The following NCOR1 variants were observed in gnomAD, a reference collection of about 807,000 sequenced individuals.
The protein encoded by NCOR1 is protein phosphatase 1, regulatory subunit 109.
Under a neutral mutation model 288.1 loss-of-function variants are expected in NCOR1, and 63 were observed. The observed-to-expected ratio is 0.22, with a 90% CI of 0.18 to 0.27. NCOR1 has a LOEUF of 0.27. Among genes scored for constraint, NCOR1 ranks in the 10% least tolerant of loss-of-function variants. The pLI, the probability that NCOR1 is intolerant of heterozygous loss-of-function variation, is 1.00. For synonymous variants in NCOR1, 1,007 were observed against 1,065.9 expected (o/e 0.94, Z 1.08); for missense variants, 2,397 against 3,019.2 (o/e 0.79, Z 4.83).
intron 1 of NCOR1, among the ~76,000 whole-genome samples, chr17:16,203,007 C>G (rs150681594): frequency 4.6e-5 from 7 of 151,780 alleles, no homozygotes; most frequent in African/African-American, 1.7e-4. Flanking sequence ...CTCAGTAACA[C>G]CCACTCCAAC....
intron 45 of NCOR1, 136 bp from the exon 46 acceptor site, chr17:16,032,619 C>T: frequency 1.3e-6 from 1 of 755,184 alleles, no homozygotes; most frequent in Non-Finnish European, 2.0e-6. Flanking sequence ...ATGAATACAA[C>T]ACGGAATGGC....
In NCOR1 at chr17:16,040,493, T is replaced by C. The variant is rs2057355370; in HGVS notation, c.6681A>G (p.Ala2227=). The C allele has an allele frequency of 1.9e-6, 3 of 1,613,340 alleles. No homozygotes were observed. The highest frequency in any genetic ancestry group is 2.5e-6 in the Non-Finnish European group (3 of 1,179,662). ...NSSGGGDSDM[A]AAQPGTEIFN... ...AGATCTCAGTTCCTGGCTGAGCAGC[T>C]GCTATATTTAAGCAAACATTCAAGT... The change falls in exon 43 of 46, where the codon GCA becomes GCG. Residue 2227 remains alanine, a splice_region_variant and synonymous_variant. Coordinates refer to ENST00000268712, the MANE Select transcript of NCOR1 (RefSeq NM_006311.4).
chr17:16,086,431 C>G lies in NCOR1; in HGVS notation c.3028G>C (p.Ala1010Pro). The G allele has an allele frequency of 6.2e-7, 1 of 1,613,404 alleles. No homozygotes were observed. Among genetic ancestry groups the G allele is most frequent in the African/African-American group, 1.3e-5 (1 of 75,022 alleles). ...AGATTAGTTATCACTTGATGTGGAG[C>G]AGGCTGAAGGACTTTTAAAAGGAAA... Reference protein sequence around the residue: ...PNREWEVLQPAPHQVITNLPE... With the variant: ...PNREWEVLQPPPHQVITNLPE... Residue 1010 changes from alanine (A) to proline (P), a missense_variant, in exon 23 of 46, where the codon GCT becomes CCT. Physicochemically the swap from Ala to Pro is conservative, Grantham distance 27 (BLOSUM62 -1). Coordinates refer to ENST00000268712, the MANE Select transcript of NCOR1 (RefSeq NM_006311.4).
chr17:16,211,605 G>A (rs1259670904), intron 1 of NCOR1, among the ~76,000 whole-genome samples: 1 of 152,150 alleles, frequency 6.6e-6, no homozygotes, highest in East Asian at 1.9e-4. Context: ...CAGGACATAC[G>A]GAAGAAGCAA....
chr17:16,132,610 A>T (rs2075810229), intron 14 of NCOR1, among the ~76,000 whole-genome samples: 1 of 152,184 alleles, frequency 6.6e-6, no homozygotes, highest in Middle Eastern at 3.2e-3. Flanking sequence ...GAAGAGTTAA[A>T]ATTCCTGCCA....
In NCOR1 at chr17:16,092,023, G is replaced by A; in HGVS notation, c.2856C>T (p.Thr952=). Residue 952 remains threonine (T), a synonymous_variant, in exon 22 of 46, where the codon ACC becomes ACT. Transcript: ENST00000268712. ...SCTPCNIPIG[T]PVSGYALYQR... ...GGTAGAGAGCATAGCCGCTCACTGG[G>A]GTTCCAATTGGTATGTTACATGGGG... The A allele has an allele frequency of 6.2e-7, 1 of 1,614,054 alleles. No homozygotes were observed. The highest frequency in any genetic ancestry group is 8.5e-7 in the Non-Finnish European group (1 of 1,180,034).
intron 44 of NCOR1, 58 bp from the exon 45 acceptor site, chr17:16,035,002 A>G: frequency 6.6e-7 from 1 of 1,512,634 alleles, no homozygotes; most frequent in South Asian, 1.2e-5. Context: ...AATTACCAAA[A>G]TGCTAATGAT....
chr17:16,201,566 C>A (rs2090814813), intron 1 of NCOR1, among the ~76,000 whole-genome samples: 1 of 151,928 alleles, frequency 6.6e-6, no homozygotes, highest in Non-Finnish European at 1.5e-5. Context: ...CCACTGCACT[C>A]CAGCCTGAGC....
At chr17:16,141,919 C>G (rs771540619) in intron 11 of NCOR1, among the ~76,000 whole-genome samples, 1 of 152,202 alleles carries the variant, frequency 6.6e-6, no homozygotes, top group Non-Finnish European at 1.5e-5. Flanking sequence ...ATTTAACCTG[C>G]AGCTGGGCTT....
rs1172783076 is a variant in NCOR1 at position 16,031,017 on chromosome 17, A to G, written c.*1279T>C. 1 of 196,022 alleles carries G rather than the reference A, an allele frequency of 5.1e-6. No homozygotes were observed. The highest frequency in any genetic ancestry group is 2.3e-5 in the African/African-American group (1 of 43,316). The allele number at this position is 196,022 out of a possible 1,614,324, so 12.1% of individuals were successfully genotyped here. A position where few individuals can be genotyped will look rare whatever the true frequency, so the allele number is the denominator to read the frequency against. On this transcript the variant is annotated 3_prime_UTR_variant, in exon 46 of 46. Coordinates refer to ENST00000268712, the MANE Select transcript of NCOR1 (RefSeq NM_006311.4). ...TGTTATAGAAAGATACTTAAATGCT[A>G]TGATAAATTGTATGAAAAAAACTTT...
chr17:16,146,961 T>C (rs532739303), intron 9 of NCOR1, among the ~76,000 whole-genome samples: 13 of 152,236 alleles, frequency 8.5e-5, no homozygotes, highest in Non-Finnish European at 1.6e-4. Flanking sequence ...TTTGTTGTTA[T>C]CCTTCCAATC....
chr17:16,133,454 AC>A (rs1399909370), intron 14 of NCOR1, among the ~76,000 whole-genome samples: 20 of 152,320 alleles, frequency 1.3e-4, no homozygotes, highest in African/African-American at 4.8e-4. Context: ...AACCCTCCTG[AC>A]TAGAGCTTGG....
chr17:16,200,737 ATATTAGT>A (rs530396187), intron 1 of NCOR1, among the ~76,000 whole-genome samples: 115 of 152,292 alleles, frequency 7.6e-4, no homozygotes, highest in African/African-American at 2.5e-3. Context: ...AAATGCTAAA[ATATTAGT>A]TATTAAACTG....
At position 16,064,907 on chromosome 17, in the gene NCOR1, G is replaced by A. The variant is rs1273034640; in HGVS notation, c.5064C>T (p.Phe1688=). The A allele has an allele frequency of 6.2e-7, 1 of 1,613,446 alleles. No homozygotes were observed. Among genetic ancestry groups the A allele is most frequent in the African/African-American group, 1.3e-5 (1 of 74,902 alleles). ...ITYIPGTQIT[F]PPRPYNSASM... Reference sequence around the variant, plus strand: ...AAGCAGAGTTGTACGGCCTGGGAGGGAAAGTAATCTGTGTACCAGGAATAT... The same window carrying A: ...AAGCAGAGTTGTACGGCCTGGGAGGAAAAGTAATCTGTGTACCAGGAATAT... The change falls in exon 34 of 46, where the codon TTC becomes TTT. Residue 1688 remains phenylalanine, a synonymous_variant. Coordinates refer to ENST00000268712, the MANE Select transcript of NCOR1 (RefSeq NM_006311.4).
intron 2 of NCOR1, among the ~76,000 whole-genome samples, chr17:16,188,233 T>C (rs2153533239): frequency 6.6e-6 from 1 of 152,310 alleles, no homozygotes; most frequent in Middle Eastern, 3.4e-3. Flanking sequence ...TTGAGAGCCC[T>C]TCTCTATAAG....
chr17:16,045,969 G>A (rs555355735), intron 42 of NCOR1, among the ~76,000 whole-genome samples: 5 of 152,068 alleles, frequency 3.3e-5, no homozygotes, highest in South Asian at 2.1e-4. Flanking sequence ...GTATACCACC[G>A]CACCCAGCTA....
At chr17:16,151,809 A>G (rs546237116) in intron 8 of NCOR1, 137 bp downstream of exon 8, 1 of 933,216 alleles carries the variant, frequency 1.1e-6, no homozygotes, top group Non-Finnish European at 1.7e-6. Flanking sequence ...GATAACATAT[A>G]ATAAAACGAC....
chr17:16,187,913 AAAAG>A (rs959904898), intron 2 of NCOR1, among the ~76,000 whole-genome samples: 1 of 151,704 alleles, frequency 6.6e-6, no homozygotes, highest in Non-Finnish European at 1.5e-5. Flanking sequence ...AAAAAAAAAA[AAAAG>A]AAAGAAAAAC....
chr17:16,103,452 C>T (rs757021748), intron 19 of NCOR1, among the ~76,000 whole-genome samples: 1 of 152,218 alleles, frequency 6.6e-6, no homozygotes, highest in Non-Finnish European at 1.5e-5. Context: ...CTCTCTCACT[C>T]TCATAACTTT....
Sources: gnomAD v4.1 joint callset for allele counts (sites outside exome capture counted in the v4.1 genomes callset) on GRCh38, gnomAD v4.1.1 for gene constraint, MANE v1.5 for transcripts, NCBI Gene and HGNC (gene_info 2026-07-23, HGNC 2026-07-21) for gene names.